ATP2C1: variants seen among roughly 807,000 people sequenced by gnomAD.
ATP2C1 encodes ATPase secretory pathway Ca2+ transporting 1.
A neutral mutation model predicts 120.5 loss-of-function variants in ATP2C1; 31 were observed. The ratio of observed to expected loss-of-function variants is 0.26; its 90% CI spans 0.19 to 0.35. ATP2C1 has a LOEUF of 0.35. Ranked by LOEUF, ATP2C1 falls within the 10% of genes least tolerant of loss-of-function variation. The pLI is 1.00. For synonymous variants in ATP2C1, 351 were observed against 358.7 expected (o/e 0.98, Z 0.24); for missense variants, 731 against 1,107.5 (o/e 0.66, Z 4.83).
intron 22 of ATP2C1, among the ~76,000 whole-genome samples, chr3:130,994,402 G>A (rs2062502400): frequency 1.3e-5 from 2 of 152,124 alleles, no homozygotes; most frequent in East Asian, 3.8e-4. Context: ...AATTCAGGTA[G>A]TTAGAAATAT....
chr3:130,967,082 A>G, intron 14 of ATP2C1, 63 bp from the exon 15 acceptor site: 1 of 1,242,588 alleles, frequency 8.0e-7, no homozygotes. Flanking sequence ...TGGGTTTTAT[A>G]GGTCTTGTCA....
intron 2 of ATP2C1, chr3:130,918,491 A>T (rs957270247): frequency 1.3e-6 from 1 of 786,366 alleles, no homozygotes; most frequent in African/African-American, 1.7e-5. Context: ...AAGTCTTTGG[A>T]TTTGCTTGTA....
At chr3:131,001,150 A>ATGTAAGCTATTAAGCTTTGCAAC in intron 27 of ATP2C1, 70 bp from the exon 28 acceptor site, 1 of 1,253,990 alleles carries the variant, frequency 8.0e-7, no homozygotes, top group Non-Finnish European at 1.1e-6. Flanking sequence ...TGCTAGAAAA[A>ATGTAAGCTATTAAGCTTTGCAAC]TGTAAGCTAT....
In ATP2C1 at chr3:130,934,700, A is replaced by G; in HGVS notation, c.313A>G (p.Ser105Gly). The G allele has an allele frequency of 6.2e-7, 1 of 1,605,836 alleles. No homozygotes were observed. The highest frequency in any genetic ancestry group is 8.5e-7 in the Non-Finnish European group (1 of 1,172,572). ...VLMHQFDDAV[S>G]ITVAILIVVT... ...AATGCATCAGTTTGATGATGCCGTC[A>G]GTATCACTGTGGTAAGAAAAAAATT... Residue 105 changes from serine (S) to glycine (G), a missense_variant, in exon 5 of 28, where the codon AGT (serine) becomes GGT (glycine). By Grantham distance (56) the Ser-to-Gly change is moderately conservative (BLOSUM62 0). Coordinates refer to ENST00000510168, the MANE Select transcript of ATP2C1 (RefSeq NM_001378687.1).
downstream of ATP2C1, among the ~76,000 whole-genome samples, chr3:131,005,096 G>A (rs1477911835): frequency 6.7e-6 from 1 of 149,888 alleles, no homozygotes; most frequent in African/African-American, 2.5e-5. Flanking sequence ...GAAAGGCATG[G>A]AATTTGAATT....
At chr3:130,940,478 A>G (rs2059845044) in intron 6 of ATP2C1, 152 bp from the exon 7 acceptor site, 1 of 630,510 alleles carries the variant, frequency 1.6e-6, no homozygotes, top group South Asian at 1.9e-5. Flanking sequence ...TTTTAAAATA[A>G]GGGACAAGCT....
At chr3:130,897,290 A>G (rs2069714373) in intron 2 of ATP2C1, among the ~76,000 whole-genome samples, 1 of 152,206 alleles carries the variant, frequency 6.6e-6, no homozygotes, top group Non-Finnish European at 1.5e-5. Context: ...CCAGTACAGA[A>G]AGAGACAGGT....
At chr3:130,868,373 T>C (rs1338572936) in intron 1 of ATP2C1, 1 of 100,008 alleles carries the variant, frequency 1.0e-5, no homozygotes, top group Admixed American at 1.0e-4. Context: ...AGGAGGGAGG[T>C]GGGGGGGTCA....
chr3:131,014,879 T>C (rs2063522357), intron 26 of ATP2C1, among the ~76,000 whole-genome samples: 1 of 152,234 alleles, frequency 6.6e-6, no homozygotes, highest in African/African-American at 2.4e-5. Context: ...TAGCAATCCA[T>C]GTAGAACCAT....
chr3:130,892,605 G>A (rs1036559923), upstream of ATP2C1, among the ~76,000 whole-genome samples: 7 of 148,150 alleles, frequency 4.7e-5, no homozygotes, highest in Non-Finnish European at 8.9e-5. Context: ...ACTTACTTGG[G>A]AACAAATATA....
chr3:130,931,944 C>T (rs1013097845), intron 3 of ATP2C1, 78 bp from the exon 4 acceptor site: 3 of 903,908 alleles, frequency 3.3e-6, no homozygotes, highest in Non-Finnish European at 3.7e-6. Flanking sequence ...TGTGATAATA[C>T]ATTATATTAT....
At chr3:130,965,885 C>T (rs1423868637) in intron 14 of ATP2C1, among the ~76,000 whole-genome samples, 1 of 152,052 alleles carries the variant, frequency 6.6e-6, no homozygotes, top group Non-Finnish European at 1.5e-5. Flanking sequence ...CAGCCTGCTT[C>T]ATAGTAATAA....
chr3:130,851,164 T>G (rs146406584), intron 1 of ATP2C1, among the ~76,000 whole-genome samples: 176 of 152,336 alleles, frequency 1.2e-3, no homozygotes, highest in African/African-American at 4.0e-3. Flanking sequence ...CCACATGCTT[T>G]CTTTCTTCTA....
intron 12 of ATP2C1, among the ~76,000 whole-genome samples, chr3:130,962,004 C>T (rs1477400485): frequency 6.6e-6 from 1 of 151,956 alleles, no homozygotes; most frequent in African/African-American, 2.4e-5. Flanking sequence ...TATTCTCTTC[C>T]AGTTAATCAT....
intron 2 of ATP2C1, among the ~76,000 whole-genome samples, chr3:130,911,572 C>T (rs2058414546): frequency 6.6e-6 from 1 of 151,858 alleles, no homozygotes; most frequent in African/African-American, 2.4e-5. Flanking sequence ...TTCCTGCTTT[C>T]TCTTGTGGGC....
intron 17 of ATP2C1, among the ~76,000 whole-genome samples, chr3:130,973,873 A>C (rs1004398768): frequency 6.6e-6 from 1 of 152,202 alleles, no homozygotes; most frequent in Non-Finnish European, 1.5e-5. Context: ...GGATAGAAGA[A>C]AAATGTGTCC....
chr3:130,940,614 T>C lies in ATP2C1; in HGVS notation c.361-16T>C. ...ATGGGAGCAAAATTAAATTCTACTT[T>C]TTTTTGTTTGAATAGGAATATCGTT... On this transcript the variant is annotated splice_polypyrimidine_tract_variant and intron_variant, in intron 6 of 27. Transcript: ENST00000510168. The C allele has an allele frequency of 6.4e-7, 1 of 1,573,390 alleles. No homozygotes were observed. Among genetic ancestry groups the C allele is most frequent in the East Asian group, 2.2e-5 (1 of 44,518 alleles).
chr3:130,862,115 A>G (rs2068033500), intron 1 of ATP2C1, among the ~76,000 whole-genome samples: 1 of 149,482 alleles, frequency 6.7e-6, no homozygotes, highest in South Asian at 2.1e-4. Context: ...CTGGGACTAC[A>G]GGCGCCTGCC....
intron 2 of ATP2C1, among the ~76,000 whole-genome samples, chr3:130,925,848 C>T (rs1026478874): frequency 1.7e-4 from 26 of 152,030 alleles, no homozygotes; most frequent in African/African-American, 4.8e-4. Flanking sequence ...GAGTTATAGT[C>T]CCAGGGGGAT....
Sources: gnomAD v4.1 joint callset for allele counts (sites outside exome capture counted in the v4.1 genomes callset) on GRCh38, gnomAD v4.1.1 for gene constraint, MANE v1.5 for transcripts, NCBI Gene and HGNC (gene_info 2026-07-23, HGNC 2026-07-21) for gene names.